TNS1: variants seen among roughly 807,000 people sequenced by gnomAD.
TNS1 encodes the protein tensin 1.
TNS1 carries 62 observed loss-of-function variants against 168.6 expected under a neutral mutation model. That is an observed-to-expected ratio of 0.37 (90% confidence interval 0.30 to 0.45). The LOEUF (loss-of-function observed/expected upper bound fraction) is 0.45. TNS1 is among the 20% of genes least tolerant of loss of function. The pLI is 1.00. For synonymous variants in TNS1, 934 were observed against 933.2 expected (o/e 1.00, Z -0.02); for missense variants, 2,240 against 2,339.4 (o/e 0.96, Z 0.88).
rs976280378 is a variant in TNS1, at chr2:217,900,479, G to A, written c.355C>T (p.His119Tyr). The change falls in exon 7 of 33, where the codon CAC becomes TAC. Residue 119 changes from histidine (H) to tyrosine (Y), a missense_variant. Around this residue, in one of 2 missense-constraint regions of TNS1, gnomAD observed 2,131 missense variants for 2,171.2 expected, o/e 0.98. Transcript: ENST00000682258. Reference protein sequence around the residue: ...STRVTPSVQPHLQPIRNMSVS... With the variant: ...STRVTPSVQPYLQPIRNMSVS... ...CAGGCATACCTGATGGGCTGGAGGT[G>A]GGGCTGGACACTCGGGGTGACCCTG... is the stretch of plus-strand genomic sequence containing the variant. The A allele has an allele frequency of 9.8e-6, 15 of 1,535,290 alleles. No homozygotes were observed. The highest frequency in any genetic ancestry group is 7.9e-5 in the Admixed American group (4 of 50,910).
Position 217,800,442 on chromosome 2 carries a change from C to T in TNS1, c.*4017G>A, listed in dbSNP as rs1449560178. On this transcript the variant is annotated 3_prime_UTR_variant, in exon 33 of 33. Coordinates refer to ENST00000682258, the MANE Select transcript of TNS1 (RefSeq NM_001387777.1). ...TTGGCCTACAGGCCTCACCTCCCGA[C>T]TCCCCTCACTGCTGGGCGACATTGA... 1 of 152,290 alleles carries T rather than the reference C, an allele frequency of 6.6e-6. No homozygotes were observed. The highest frequency in any genetic ancestry group is 2.4e-5 in the African/African-American group (1 of 41,456). The allele number at this position is 152,290 out of a possible 1,614,324, so 9.4% of individuals were successfully genotyped here.
At chr2:218,013,286 A>G (rs998702006), upstream of TNS1, among the ~76,000 whole-genome samples, 8 of 151,704 alleles carry the variant, frequency 5.3e-5, no homozygotes, top group African/African-American at 1.9e-4. Context: ...AATTGCATTC[A>G]GCACCTGGTA....
chr2:217,912,850 G>A (rs1206383949), intron 4 of TNS1, among the ~76,000 whole-genome samples: 1 of 152,204 alleles, frequency 6.6e-6, no homozygotes, highest in Non-Finnish European at 1.5e-5. Flanking sequence ...CAAAGGGAGA[G>A]AGCGCTTTCT....
In TNS1 at chr2:217,948,483, G is replaced by A. The variant is rs76683652; in HGVS notation, c.187-28247C>T. 0.018 allele frequency among the ~76,000 whole-genome samples: 2,687 copies of A among 152,256 alleles called. 89 individuals are homozygous for A. Among genetic ancestry groups the A allele is most frequent in the African/African-American group, 0.061 (2,527 of 41,528 alleles). On this transcript the variant is annotated intron_variant, in intron 3 of 32. Transcript: ENST00000682258. This position sits in a 1 kb window ranked among gnomAD's most constrained non-coding sequence, Gnocchi z 4.1. The stretch of plus-strand genomic sequence containing the variant: ...CACCCCATAGGGAGCCAGGCCCCAG[G>A]GGCCACTCTAGGCATGCAATGTCTA...
intron 22 of TNS1, among the ~76,000 whole-genome samples, chr2:217,825,036 G>T (rs1943413728): frequency 6.6e-6 from 1 of 152,128 alleles, no homozygotes; most frequent in African/African-American, 2.4e-5. Flanking sequence ...AGACCTCAGA[G>T]GCACACATCC....
intron 2 of TNS1, among the ~76,000 whole-genome samples, chr2:217,984,881 G>T (rs191184350): frequency 5.0e-4 from 76 of 150,996 alleles, no homozygotes; most frequent in African/African-American, 1.8e-3. Flanking sequence ...TCAGCCTCCC[G>T]AGTAGCTGGA....
rs964824123 is a variant in TNS1, at chr2:217,818,467, C to G, written c.3865G>C (p.Val1289Leu). The G allele has an allele frequency of 6.2e-7, 1 of 1,614,242 alleles. No homozygotes were observed. The highest frequency in any genetic ancestry group is 1.7e-5 in the Admixed American group (1 of 60,032). Reference sequence around the variant, plus strand: ...GGACTAGGGGGAGTGTTGGTGCCCACTGTTCTGTGGCGCGCCTGAGGGCTC... The same window carrying G: ...GGACTAGGGGGAGTGTTGGTGCCCAGTGTTCTGTGGCGCGCCTGAGGGCTC... Reference protein sequence around the residue: ...PGSPQARHRTVGTNTPPSPGF... With the variant: ...PGSPQARHRTLGTNTPPSPGF... Residue 1289 changes from valine (V) to leucine (L), a missense_variant, in exon 24 of 33, where the codon GTG becomes CTG. Val to Leu is a conservative substitution (Grantham distance 32, BLOSUM62 1). This residue lies in a region of TNS1 where 2,131 missense variants were observed against 2,171.2 expected (regional missense o/e 0.98). Transcript: ENST00000682258.
At chr2:217,966,456 C>T (rs1467463058) in intron 3 of TNS1, among the ~76,000 whole-genome samples, 1 of 152,180 alleles carries the variant, frequency 6.6e-6, no homozygotes, top group African/African-American at 2.4e-5. Context: ...CCATCCCCAG[C>T]GAAGCTGAAG....
At chr2:217,863,101 T>C (rs1439913046) in intron 18 of TNS1, among the ~76,000 whole-genome samples, 1 of 152,162 alleles carries the variant, frequency 6.6e-6, no homozygotes, top group Non-Finnish European at 1.5e-5. Flanking sequence ...TTCGTAGGTA[T>C]AAAGCAACAT....
intron 22 of TNS1, among the ~76,000 whole-genome samples, chr2:217,827,349 T>A (rs946981145): frequency 2.0e-5 from 3 of 152,208 alleles, no homozygotes; most frequent in African/African-American, 7.2e-5. Context: ...TTTGCCTCAC[T>A]GGCATTTTTT....
At chr2:218,026,368 G>A (rs1009188208) in intron 1 of TNS1, among the ~76,000 whole-genome samples, 37 of 152,260 alleles carry the variant, frequency 2.4e-4, no homozygotes, top group African/African-American at 8.7e-4. Context: ...GTAGAAAAGT[G>A]ACTTGAGGCT....
At position 217,995,244 on chromosome 2, in the gene TNS1, G is replaced by A. The variant is rs1958447366; in HGVS notation, c.34-4188C>T. The stretch of plus-strand genomic sequence containing the variant: ...GCTGTGAAACAGGGACACTGCGCTG[G>A]TCTTGTTGAAACAGCTGTCCCATAG... On this transcript the variant is annotated intron_variant, in intron 1 of 32. Coordinates refer to ENST00000682258, the MANE Select transcript of TNS1 (RefSeq NM_001387777.1). The surrounding 1 kb of genome is among the most constrained non-coding windows in gnomAD (Gnocchi z 4.1). 6.6e-6 allele frequency among the ~76,000 whole-genome samples: 1 copy of A among 152,162 alleles called. No individual in the cohort carries two copies. The highest frequency in any genetic ancestry group is 1.5e-5 in the Non-Finnish European group (1 of 68,020).
At chr2:217,979,889 T>A (rs1227745668) in intron 2 of TNS1, among the ~76,000 whole-genome samples, 1 of 152,030 alleles carries the variant, frequency 6.6e-6, no homozygotes, top group Non-Finnish European at 1.5e-5. Flanking sequence ...CTCCTTCTCC[T>A]GGATCTATTG....
intron 28 of TNS1, among the ~76,000 whole-genome samples, chr2:217,811,107 TCACTTCGAGCAATCCTTC>T (rs895268211): frequency 1.3e-5 from 2 of 152,138 alleles, no homozygotes; most frequent in Middle Eastern, 3.2e-3. Context: ...CTTGAATGCC[TCACTTCGAGCAATCCTTC>T]CACCTCAGCC....
rs150249191 is a variant in TNS1 at position 217,946,937 on chromosome 2, GCTCTCTCTCT to G, written c.187-26711_187-26702del. Among the ~76,000 whole-genome samples, 54 of 130,824 alleles carry G rather than the reference GCTCTCTCTCT, an allele frequency of 4.1e-4. 1 individual carries two copies. The highest frequency in any genetic ancestry group is 7.8e-3 in the Middle Eastern group (2 of 256). 85.8% of individuals were successfully genotyped at this position (130,824 alleles called of 152,430 possible). On this transcript the variant is annotated intron_variant, in intron 3 of 32. Coordinates refer to ENST00000682258, the MANE Select transcript of TNS1 (RefSeq NM_001387777.1). The stretch of plus-strand genomic sequence containing the variant: ...TCTCCCCAGTGTCATTTCCACCATC[GCTCTCTCTCT>G]CTCTCTCTCTCTCTCTCTCTCTCAC...
At chr2:217,830,083 C>T in intron 22 of TNS1, 1 of 767,764 alleles carries the variant, frequency 1.3e-6, no homozygotes, top group Non-Finnish European at 1.6e-6. Context: ...CACAGAAGGA[C>T]TCCAAGGGGA....
intron 22 of TNS1, chr2:217,830,432 G>A (rs1944252840): frequency 6.2e-7 from 1 of 1,609,002 alleles, no homozygotes; most frequent in Non-Finnish European, 8.5e-7. Flanking sequence ...CCCCCACCCA[G>A]CCCTAAAACC....
intron 3 of TNS1, among the ~76,000 whole-genome samples, chr2:217,932,868 A>G (rs537941167): frequency 2.2e-4 from 34 of 152,316 alleles, no homozygotes; most frequent in African/African-American, 6.7e-4. Flanking sequence ...GATGGCAGCG[A>G]CAGGAGGCAG....
upstream of TNS1, among the ~76,000 whole-genome samples, chr2:218,014,790 G>C (rs2106003970): frequency 6.6e-6 from 1 of 151,934 alleles, no homozygotes; most frequent in South Asian, 2.1e-4. Context: ...TACATCCCTA[G>C]TACCTAGCAT....
Sources: gnomAD v4.1 joint callset for allele counts (sites outside exome capture counted in the v4.1 genomes callset) on GRCh38, gnomAD v4.1.1 for gene constraint, gnomAD v4.1.1 regional missense constraint, Gnocchi (gnomAD v3.1) non-coding constraint, MANE v1.5 for transcripts, NCBI Gene and HGNC (gene_info 2026-07-23, HGNC 2026-07-21) for gene names.